The following CPAP variants were observed in gnomAD, a reference collection of about 807,000 sequenced individuals.
CPAP encodes centrosomal P4.1-associated protein.
At chr13:24,907,481 T>C in the CPAP span, among the ~76,000 whole-genome samples, 3 of 152,206 alleles carry the variant, frequency 2.0e-5, no homozygotes, top group African/African-American at 7.2e-5. Flanking sequence ...AACTTTAAAA[T>C]GTATTTCAAA....
At chr13:24,918,581 G>A in the CPAP span, among the ~76,000 whole-genome samples, 1 of 152,002 alleles carries the variant, frequency 6.6e-6, no homozygotes, top group Non-Finnish European at 1.5e-5. Flanking sequence ...TTACAATAGT[G>A]TAAGCTAGAG....
the CPAP span, among the ~76,000 whole-genome samples, chr13:24,896,010 T>TTA: frequency 6.6e-6 from 1 of 152,252 alleles, no homozygotes; most frequent in Admixed American, 6.5e-5. Context: ...TTTTTGATGA[T>TTA]TTAATAGAGT....
chr13:24,892,673 G>A, the CPAP span: 1 of 1,614,008 alleles, frequency 6.2e-7, no homozygotes, highest in Non-Finnish European at 8.5e-7. Context: ...CCACCTCGAG[G>A]CTGCTCTCTA....
chr13:24,886,522 G>GA, the CPAP span: 1 of 452,406 alleles, frequency 2.2e-6, no homozygotes, highest in Non-Finnish European at 4.2e-6. Context: ...ATCAGTCTAG[G>GA]GACTACTGGG....
At chr13:24,909,982 C>G in the CPAP span, 1 of 1,614,080 alleles carries the variant, frequency 6.2e-7, no homozygotes, top group South Asian at 1.1e-5. Flanking sequence ...TGGGTTGGGT[C>G]CGGGTAGACA....
chr13:24,899,842 A>C, the CPAP span, among the ~76,000 whole-genome samples: 1 of 152,150 alleles, frequency 6.6e-6, no homozygotes, highest in Non-Finnish European at 1.5e-5. Context: ...ACAGTGGCTC[A>C]AGTCTATAAT....
At chr13:24,884,610 A>C in the CPAP span, 2 of 785,722 alleles carry the variant, frequency 2.5e-6, no homozygotes, top group Non-Finnish European at 4.3e-6. Context: ...AGGAGTAGCA[A>C]ACTCGTGATT....
At chr13:24,899,940 C>T in the CPAP span, among the ~76,000 whole-genome samples, 70 of 149,174 alleles carry the variant, frequency 4.7e-4, no homozygotes, top group African/African-American at 1.6e-3. Context: ...TCAGCCTGGG[C>T]GACACAGACA....
the CPAP span, among the ~76,000 whole-genome samples, chr13:24,897,375 A>G: frequency 6.6e-6 from 1 of 152,342 alleles, no homozygotes; most frequent in East Asian, 1.9e-4. Flanking sequence ...CCAGGACATA[A>G]GCTACATGAG....
At chr13:24,912,967 C>T in the CPAP span, 1 of 1,614,124 alleles carries the variant, frequency 6.2e-7, no homozygotes, top group South Asian at 1.1e-5. Context: ...ATTGGTCATC[C>T]ACTGGGTTAG....
At chr13:24,933,897 G>T in the CPAP span, among the ~76,000 whole-genome samples, 6 of 151,410 alleles carry the variant, frequency 4.0e-5, no homozygotes, top group African/African-American at 4.9e-5. Flanking sequence ...GCTAATTTTT[G>T]TACTTTTAGT....
the CPAP span, chr13:24,883,407 A>T: frequency 4.1e-6 from 6 of 1,453,026 alleles, no homozygotes; most frequent in African/African-American, 1.4e-5. Context: ...CTTAAAAAAA[A>T]AATAATAGAA....
chr13:24,911,926 C>T, the CPAP span: 4 of 1,613,654 alleles, frequency 2.5e-6, no homozygotes. Flanking sequence ...ATACTGAGGC[C>T]CTGTGTAGGC....
chr13:24,920,445 T>C, the CPAP span, among the ~76,000 whole-genome samples: 2 of 152,202 alleles, frequency 1.3e-5, no homozygotes, highest in Non-Finnish European at 2.9e-5. Flanking sequence ...AACAAGATGA[T>C]TGCCTGCCAA....
At chr13:24,896,057 A>C in the CPAP span, among the ~76,000 whole-genome samples, 2 of 152,232 alleles carry the variant, frequency 1.3e-5, no homozygotes, top group African/African-American at 2.4e-5. Context: ...TTAAGTATAT[A>C]TCTGTTTTTA....
At chr13:24,896,924 T>C in the CPAP span, among the ~76,000 whole-genome samples, 1 of 152,250 alleles carries the variant, frequency 6.6e-6, no homozygotes, top group Non-Finnish European at 1.5e-5. Context: ...TTATAACTAC[T>C]GGTTCAAGTA....
At chr13:24,912,120 G>A in the CPAP span, 1 of 1,541,988 alleles carries the variant, frequency 6.5e-7, no homozygotes, top group Non-Finnish European at 9.0e-7. Context: ...AATTCTTCAT[G>A]GACACCTCGT....
At chr13:24,883,412 ATAG>A in the CPAP span, 2 of 1,450,456 alleles carry the variant, frequency 1.4e-6, no homozygotes, top group Non-Finnish European at 1.9e-6. Flanking sequence ...AAAAAAAATA[ATAG>A]AAAATAAACA....
the CPAP span, among the ~76,000 whole-genome samples, chr13:24,926,211 C>T: frequency 2.6e-5 from 4 of 152,186 alleles, no homozygotes; most frequent in Non-Finnish European, 4.4e-5. Context: ...AATTGGTGCC[C>T]ACTCAGGATT....
Sources: gnomAD v4.1 joint callset for allele counts (sites outside exome capture counted in the v4.1 genomes callset) on GRCh38, gnomAD v4.1.1 for gene constraint, MANE v1.5 for transcripts, NCBI Gene and HGNC (gene_info 2026-07-23, HGNC 2026-07-21) for gene names.